CELF2: variants seen among roughly 807,000 people sequenced by gnomAD.
The protein encoded by CELF2 is CUG triplet repeat RNA-binding protein 2.
A neutral mutation model predicts 62.6 loss-of-function variants in CELF2; 8 were observed. That is an observed-to-expected ratio of 0.13 (90% CI 0.07 to 0.23). The LOEUF (loss-of-function observed/expected upper bound fraction) is 0.23, where lower values mean the gene tolerates loss of function less well. CELF2 is among the 10% of genes least tolerant of loss of function. The pLI, the probability that CELF2 is intolerant of heterozygous loss-of-function variation, is 1.00. For missense variants in CELF2, 333 were observed against 671.0 expected (o/e 0.50, Z 5.56); for synonymous variants, 258 against 250.0 (o/e 1.03, Z -0.30).
At position 11,214,410 on chromosome 10, in the gene CELF2, G is replaced by A. The variant is rs997393957; in HGVS notation, c.272-3015G>A. 6.6e-6 allele frequency among the ~76,000 whole-genome samples: 1 copy of A among 152,228 alleles called. No individual in the cohort carries two copies. Among genetic ancestry groups the A allele is most frequent in the Non-Finnish European group, 1.5e-5 (1 of 68,038 alleles). On this transcript the variant is annotated intron_variant, in intron 2 of 12. Transcript: ENST00000633077. This position sits in a 1 kb window ranked among gnomAD's most constrained non-coding sequence, Gnocchi z 4.2. ...GAAGCCTCTGGGGTTAGTATTCCCA[G>A]TCTCCTTGTCTGCCCAGGACCCCAC... is the stretch of plus-strand genomic sequence containing the variant.
chr10:10,948,800 G>A (rs940453528), intron 2 of CELF2, among the ~76,000 whole-genome samples: 1 of 152,074 alleles, frequency 6.6e-6, no homozygotes, highest in African/African-American at 2.4e-5. Flanking sequence ...AAATCTTGGG[G>A]TCTTTCAAAC....
At chr10:10,523,550 GAC>G in the CELF2 span, among the ~76,000 whole-genome samples, 1 of 152,150 alleles carries the variant, frequency 6.6e-6, no homozygotes, top group South Asian at 2.1e-4. Flanking sequence ...AGCACAGAAA[GAC>G]CCCTTAGACT....
chr10:10,830,246 A>G (rs2057734770), intron 1 of CELF2, among the ~76,000 whole-genome samples: 2 of 150,310 alleles, frequency 1.3e-5, no homozygotes, highest in African/African-American at 4.9e-5. Flanking sequence ...CGGCAATACA[A>G]ACTGTGAGCT....
the CELF2 span, among the ~76,000 whole-genome samples, chr10:10,511,873 T>C: frequency 6.6e-6 from 1 of 152,334 alleles, no homozygotes; most frequent in African/African-American, 2.4e-5. Flanking sequence ...AGGCTACAAA[T>C]TTGCACTCAT....
chr10:10,726,484 C>T, the CELF2 span, among the ~76,000 whole-genome samples: 1 of 152,172 alleles, frequency 6.6e-6, no homozygotes, highest in Non-Finnish European at 1.5e-5. Flanking sequence ...CCCACCATAT[C>T]GTTCATCGAG....
chr10:10,558,748 C>T, the CELF2 span, among the ~76,000 whole-genome samples: 3 of 152,072 alleles, frequency 2.0e-5, no homozygotes. Flanking sequence ...TCAACTTCTT[C>T]GTGGTTTAGT....
chr10:10,473,429 T>G, the CELF2 span, among the ~76,000 whole-genome samples: 1 of 151,886 alleles, frequency 6.6e-6, no homozygotes, highest in South Asian at 2.1e-4. Flanking sequence ...CGATGTGATA[T>G]ATTTGTTGTT....
At chr10:10,669,651 C>T in the CELF2 span, among the ~76,000 whole-genome samples, 1 of 152,220 alleles carries the variant, frequency 6.6e-6, no homozygotes, top group Admixed American at 6.5e-5. Context: ...GCTATCACTC[C>T]TTAAATGCAA....
At position 10,985,820 on chromosome 10, in the gene CELF2, G is replaced by A. The variant is rs182492508; in HGVS notation, c.89+65821G>A. ...TGTGCTCACAAAGCTGGGTCTGCACGTGGGCCTGATGACAGCCACACCGAT... is the reference window on the plus strand; with the variant it reads ...TGTGCTCACAAAGCTGGGTCTGCACATGGGCCTGATGACAGCCACACCGAT... On this transcript the variant is annotated intron_variant, in intron 2 of 13. Transcript: ENST00000636488. Among the ~76,000 whole-genome samples the A allele has an allele frequency of 2.6e-5, 4 of 152,286 alleles. No individual in the cohort carries two copies. In the East Asian group the frequency reaches 5.8e-4, roughly 22 times the overall value.
At chr10:10,538,230 C>T in the CELF2 span, among the ~76,000 whole-genome samples, 1 of 151,712 alleles carries the variant, frequency 6.6e-6, no homozygotes, top group South Asian at 2.1e-4. Context: ...GATGAGCTGA[C>T]AATGACCGCC....
At chr10:11,097,199 C>A (rs1413453065) in intron 1 of CELF2, 1 of 152,164 alleles carries the variant, frequency 6.6e-6, no homozygotes, top group Non-Finnish European at 1.5e-5. Flanking sequence ...CTGCCCATCA[C>A]ATTTGTTTTC....
Position 11,167,920 on chromosome 10 carries a change from C to T in CELF2, c.271+2238C>T, listed in dbSNP as rs181929531. Among the ~76,000 whole-genome samples the T allele has an allele frequency of 1.6e-4, 25 of 152,250 alleles. 1 individual carries two copies. In the East Asian group the frequency reaches 2.9e-3, roughly 18 times the overall value. ...GTTAAGAAACATAGCCCCGTTTGCCCAGCTGTTAAGTGACAGAGTGGAGAT... is the reference window on the plus strand; with the variant it reads ...GTTAAGAAACATAGCCCCGTTTGCCTAGCTGTTAAGTGACAGAGTGGAGAT... On this transcript the variant is annotated intron_variant, in intron 2 of 12. Transcript: ENST00000633077.
the CELF2 span, among the ~76,000 whole-genome samples, chr10:10,772,409 T>G: frequency 6.6e-6 from 1 of 152,262 alleles, no homozygotes; most frequent in South Asian, 2.1e-4. Flanking sequence ...AAATGGATAC[T>G]TTTTCAAATG....
upstream of CELF2, among the ~76,000 whole-genome samples, chr10:10,793,435 A>T (rs114902010): frequency 4.7e-4 from 72 of 152,306 alleles, no homozygotes; most frequent in African/African-American, 1.7e-3. Context: ...TTACAGTGGG[A>T]GCTGATGCTT....
chr10:11,272,021 C>T (rs1244290714), intron 7 of CELF2, among the ~76,000 whole-genome samples: 1 of 152,206 alleles, frequency 6.6e-6, no homozygotes, highest in Non-Finnish European at 1.5e-5. Context: ...TCTTTGAGGA[C>T]TCCGGGTGCT....
At chr10:10,564,275 C>G in the CELF2 span, among the ~76,000 whole-genome samples, 3 of 152,308 alleles carry the variant, frequency 2.0e-5, no homozygotes, top group Non-Finnish European at 2.9e-5. Flanking sequence ...CACATGACAT[C>G]CCCTGCAGCT....
At chr10:10,722,626 T>C in the CELF2 span, among the ~76,000 whole-genome samples, 1 of 152,324 alleles carries the variant, frequency 6.6e-6, no homozygotes, top group African/African-American at 2.4e-5. Context: ...TTTTCAAGAA[T>C]AGAATGTTAT....
At chr10:11,210,829 A>T (rs986621930) in intron 2 of CELF2, among the ~76,000 whole-genome samples, 17 of 152,186 alleles carry the variant, frequency 1.1e-4, no homozygotes, top group African/African-American at 3.9e-4. Flanking sequence ...AAAACAACTC[A>T]ACTCACTGTC....
In CELF2 at chr10:11,088,977, T is replaced by TG. The variant is rs796147796; in HGVS notation, c.74+70816dup. Reference sequence around the variant, plus strand: ...CCTCTCCCGTGCGTTGGGCTGCCATTGGCACGGCTGCTGGGTTTGAGAGAG... The same window carrying TG: ...CCTCTCCCGTGCGTTGGGCTGCCATTGGGCACGGCTGCTGGGTTTGAGAGAG... On this transcript the variant is annotated intron_variant, in intron 1 of 12. Transcript: ENST00000633077. Among the ~76,000 whole-genome samples the TG allele has an allele frequency of 3.9e-4, 59 of 152,362 alleles. No individual in the cohort carries two copies. In the South Asian group the frequency reaches 4.3e-3, roughly 11 times the overall value.
Sources: gnomAD v4.1 joint callset for allele counts (sites outside exome capture counted in the v4.1 genomes callset) on GRCh38, gnomAD v4.1.1 for gene constraint, Gnocchi (gnomAD v3.1) non-coding constraint, MANE v1.5 for transcripts, NCBI Gene and HGNC (gene_info 2026-07-23, HGNC 2026-07-21) for gene names.